Variants in DHRSX observed in about 807,000 individuals in gnomAD.
DHRSX encodes the protein polyprenol dehydrogenase.
DHRSX carries 31 observed loss-of-function variants against 34.0 expected under a neutral mutation model. That is an observed-to-expected ratio of 0.91 (90% CI 0.69 to 1.23). The LOEUF is 1.23. Ranked by LOEUF, DHRSX falls within the 50% of genes most tolerant of loss-of-function variation. The pLI, the probability that DHRSX is intolerant of heterozygous loss-of-function variation, is 0.00. For synonymous variants in DHRSX, 201 were observed against 183.8 expected (o/e 1.09, Z -0.76); for missense variants, 414 against 428.1 (o/e 0.97, Z 0.29).
intron 5 of DHRSX, among the ~76,000 whole-genome samples, chrX:2,251,260 G>A (rs2016427957): frequency 1.3e-5 from 2 of 152,146 alleles, no homozygotes; most frequent in South Asian, 4.1e-4. Flanking sequence ...AAAGACTTGT[G>A]CTAACATTCC....
At chrX:2,482,152 G>T (rs2044783794) in intron 1 of DHRSX, among the ~76,000 whole-genome samples, 1 of 143,744 alleles carries the variant, frequency 7.0e-6, no homozygotes, top group African/African-American at 2.7e-5. Flanking sequence ...TTTAGAGACA[G>T]CATCTCTCTC....
At chrX:2,490,626 C>A in intron 1 of DHRSX, 4 of 1,613,944 alleles carry the variant, frequency 2.5e-6, no homozygotes, top group Non-Finnish European at 3.4e-6. Context: ...GCGTTGGTGT[C>A]GAAGCCGAAA....
intron 3 of DHRSX, among the ~76,000 whole-genome samples, chrX:2,323,242 C>A (rs2042335040): frequency 6.6e-6 from 1 of 152,154 alleles, no homozygotes; most frequent in Non-Finnish European, 1.5e-5. Flanking sequence ...CATAGCCACA[C>A]CATGGTAGAG....
intron 3 of DHRSX, among the ~76,000 whole-genome samples, chrX:2,390,835 G>A (rs910122309): frequency 5.3e-5 from 8 of 152,028 alleles, no homozygotes; most frequent in African/African-American, 1.9e-4. Context: ...TTTTATGGCT[G>A]TGTAATATTC....
intron 3 of DHRSX, among the ~76,000 whole-genome samples, chrX:2,371,927 T>C (rs2043077605): frequency 2.0e-5 from 3 of 152,176 alleles, no homozygotes; most frequent in Admixed American, 1.3e-4. Context: ...AGTCCATATC[T>C]TCCCTGCCCC....
At chrX:2,410,453 C>T (rs895508184) in intron 2 of DHRSX, among the ~76,000 whole-genome samples, 5 of 152,170 alleles carry the variant, frequency 3.3e-5, no homozygotes, top group African/African-American at 1.2e-4. Flanking sequence ...GCACCCAGCC[C>T]GGGCCAGTGA....
At chrX:2,464,059 T>G (rs919686646) in intron 1 of DHRSX, among the ~76,000 whole-genome samples, 2 of 152,218 alleles carry the variant, frequency 1.3e-5, no homozygotes, top group South Asian at 2.1e-4. Flanking sequence ...CCTAAGTATG[T>G]GGCTAAGGGA....
At chrX:2,359,531 T>A (rs1340568133) in intron 3 of DHRSX, among the ~76,000 whole-genome samples, 1 of 151,790 alleles carries the variant, frequency 6.6e-6, no homozygotes, top group Admixed American at 6.6e-5. Context: ...TACAAAAAAA[T>A]TAGCTGGGCG....
intron 5 of DHRSX, among the ~76,000 whole-genome samples, chrX:2,254,429 T>C (rs1204090592): frequency 6.6e-6 from 1 of 152,216 alleles, no homozygotes; most frequent in Non-Finnish European, 1.5e-5. Context: ...ACTGTTTTAA[T>C]GAGTAAGTAT....
intron 1 of DHRSX, among the ~76,000 whole-genome samples, chrX:2,448,568 AATGTGTTT>A (rs1304087115): frequency 1.3e-5 from 2 of 150,574 alleles, no homozygotes; most frequent in African/African-American, 4.9e-5. Context: ...CTTGATTGTT[AATGTGTTT>A]ATTAGCTTGA....
intron 6 of DHRSX, 117 bp downstream of exon 6, chrX:2,242,906 C>A: frequency 1.0e-6 from 1 of 995,710 alleles, no homozygotes; most frequent in Admixed American, 2.4e-5. Context: ...ACTGAGCCGT[C>A]CTGAATTCTT....
rs186799605 is a variant in DHRSX at position 2,269,487 on chromosome X, T to C, written c.389-2540A>G. On this transcript the variant is annotated intron_variant, in intron 4 of 6. Coordinates refer to ENST00000334651, the MANE Select transcript of DHRSX (RefSeq NM_145177.3). Reference sequence around the variant, plus strand: ...CTGTACATGAATACATTTTCCTAGGTACATGCATTTGTTTATGTGCTTGTA... The same window carrying C: ...CTGTACATGAATACATTTTCCTAGGCACATGCATTTGTTTATGTGCTTGTA... Among the ~76,000 whole-genome samples the C allele has an allele frequency of 2.5e-4, 38 of 152,316 alleles. No individual in the cohort carries two copies. In the East Asian group the frequency reaches 7.3e-3, roughly 29 times the overall value.
chrX:2,325,519 C>T (rs1165676076), intron 3 of DHRSX, among the ~76,000 whole-genome samples: 1 of 152,208 alleles, frequency 6.6e-6, no homozygotes, highest in Non-Finnish European at 1.5e-5. Context: ...AAAAACAGGA[C>T]CGAGAGCCCC....
At chrX:2,481,765 A>C (rs1023173380) in intron 1 of DHRSX, among the ~76,000 whole-genome samples, 5 of 152,004 alleles carry the variant, frequency 3.3e-5, no homozygotes, top group Non-Finnish European at 7.4e-5. Context: ...GTTCCCAGTT[A>C]TTACTCGGAG....
intron 1 of DHRSX, among the ~76,000 whole-genome samples, chrX:2,498,538 G>A (rs1403122756): frequency 3.3e-5 from 5 of 151,624 alleles, no homozygotes; most frequent in East Asian, 3.9e-4. Flanking sequence ...ATACACACCC[G>A]GGTACAGATT....
chrX:2,342,468 G>A (rs1475871204), intron 3 of DHRSX, among the ~76,000 whole-genome samples: 2 of 152,064 alleles, frequency 1.3e-5, no homozygotes, highest in Non-Finnish European at 2.9e-5. Flanking sequence ...ACGGTGCCCA[G>A]CAAGCCCATC....
At chrX:2,390,144 C>CGT (rs1166056838) in intron 3 of DHRSX, among the ~76,000 whole-genome samples, 3 of 128,176 alleles carry the variant, frequency 2.3e-5, no homozygotes, top group East Asian at 2.3e-4. Context: ...GCATTTTAAC[C>CGT]TTTTTTTTTT....
intron 3 of DHRSX, among the ~76,000 whole-genome samples, chrX:2,321,169 A>G (rs2042306613): frequency 6.6e-6 from 1 of 152,102 alleles, no homozygotes; most frequent in Admixed American, 6.6e-5. Context: ...GCATTTATAT[A>G]AATAAATGTT....
intron 1 of DHRSX, among the ~76,000 whole-genome samples, chrX:2,475,022 G>C (rs1197787431): frequency 1.3e-5 from 2 of 151,708 alleles, no homozygotes; most frequent in South Asian, 4.2e-4. Context: ...TGCAGCCAAA[G>C]AACTGCCACC....
Sources: gnomAD v4.1 joint callset for allele counts (sites outside exome capture counted in the v4.1 genomes callset) on GRCh38, gnomAD v4.1.1 for gene constraint, MANE v1.5 for transcripts, NCBI Gene and HGNC (gene_info 2026-07-23, HGNC 2026-07-21) for gene names.